WDHD1: variants seen among roughly 807,000 people sequenced by gnomAD.
WDHD1 encodes the protein WD repeat and HMG-box DNA-binding protein 1.
Under a neutral mutation model 135.4 loss-of-function variants are expected in WDHD1, and 111 were observed. The ratio of observed to expected loss-of-function variants is 0.82; its 90% CI spans 0.70 to 0.96. The LOEUF (loss-of-function observed/expected upper bound fraction) is 0.96. Ranked by LOEUF, WDHD1 falls within the 40% of genes least tolerant of loss-of-function variation. The pLI, the probability that WDHD1 is intolerant of heterozygous loss-of-function variation, is 0.00. For synonymous variants in WDHD1, 434 were observed against 439.0 expected, an observed-to-expected ratio of 0.99 and a Z score of 0.14; for missense variants, 1,351 against 1,336.3, an observed-to-expected ratio of 1.01 and a Z score of -0.17.
chr14:54,973,048 T>C (rs1326201711), intron 16 of WDHD1, among the ~76,000 whole-genome samples: 1 of 152,158 alleles, frequency 6.6e-6, no homozygotes, highest in Non-Finnish European at 1.5e-5. Context: ...TTTATATATA[T>C]ATAGAACTCT....
Position 54,989,093 on chromosome 14 carries a change from A to C in WDHD1, c.1461T>G (p.Tyr487Ter), listed in dbSNP as rs150419058. 1.7e-5 allele frequency: 28 copies of C among 1,613,840 alleles called. No individual in the cohort carries two copies. The highest frequency in any genetic ancestry group is 2.4e-5 in the Non-Finnish European group (28 of 1,179,850). The part of the protein sequence containing the change: ...HATHLSNTLN[Y>*]TIADLSHEAI... ...CTTCGTGGGAAAGATCTGCTATTGT[A>C]TAATTCAAAGTGTTTGATAAGTGTG... Residue 487 changes from tyrosine to a stop codon, truncating the protein, a stop_gained, in exon 13 of 26, where the codon TAT becomes TAG. Transcript: ENST00000360586. LOFTEE classifies it high-confidence loss of function.
At chr14:55,002,283 A>T (rs561508329) in intron 7 of WDHD1, 98 bp from the exon 8 acceptor site, 3 of 831,376 alleles carry the variant, frequency 3.6e-6, no homozygotes, top group Middle Eastern at 7.3e-4. Flanking sequence ...TTTACAAGAC[A>T]TAAAAGCAAA....
At chr14:55,004,441 T>G (rs2140217850) in intron 7 of WDHD1, among the ~76,000 whole-genome samples, 1 of 152,338 alleles carries the variant, frequency 6.6e-6, no homozygotes. Context: ...TCCCTTTTTT[T>G]TTAGCAACCA....
At chr14:54,952,002 A>T (rs2041064842) in intron 24 of WDHD1, among the ~76,000 whole-genome samples, 1 of 152,234 alleles carries the variant, frequency 6.6e-6, no homozygotes, top group South Asian at 2.1e-4. Context: ...CAAAATAATA[A>T]GAGCTATTTA....
chr14:54,972,446 T>C (rs1450917384), intron 16 of WDHD1, among the ~76,000 whole-genome samples: 3 of 147,796 alleles, frequency 2.0e-5, no homozygotes, highest in Non-Finnish European at 1.5e-5. Context: ...GGTGTGGTGG[T>C]GAACGCCTGT....
intron 3 of WDHD1, among the ~76,000 whole-genome samples, chr14:55,011,735 T>A (rs2042174499): frequency 6.6e-6 from 1 of 151,804 alleles, no homozygotes; most frequent in African/African-American, 2.4e-5. Context: ...TTTTTTTACT[T>A]ATTGTAAACT....
rs1388267475 is a variant in WDHD1 at position 55,026,746 on chromosome 14, C to T, written c.42G>A (p.Glu14=). The T allele has an allele frequency of 1.2e-6, 2 of 1,614,210 alleles. No individual in the cohort carries two copies. Among genetic ancestry groups the T allele is most frequent in the Non-Finnish European group, 1.7e-6 (2 of 1,180,030 alleles). Residue 14 remains glutamate (E), a synonymous_variant, in exon 2 of 26, where the codon GAG becomes GAA. Transcript: ENST00000360586. ...CATCAAAACAGACCTCCGTGTGTCC[C>T]TCTGTATGCCCATATCTCATTGGCT... ...TRKPMRYGHT[E]GHTEVCFDDS... is the part of the protein sequence containing the mutation.
intron 21 of WDHD1, among the ~76,000 whole-genome samples, chr14:54,959,774 C>A (rs2041219493): frequency 6.6e-6 from 1 of 151,570 alleles, no homozygotes; most frequent in African/African-American, 2.4e-5. Context: ...GCAAGATACC[C>A]TGTATCCGCA....
At chr14:54,983,807 C>A (rs1202694841) in intron 15 of WDHD1, among the ~76,000 whole-genome samples, 6 of 151,320 alleles carry the variant, frequency 4.0e-5, no homozygotes, top group Admixed American at 3.9e-4. Context: ...GCATGAGCCA[C>A]CATGCCCAGC....
At chr14:55,002,561 C>T (rs2041994847) in intron 7 of WDHD1, among the ~76,000 whole-genome samples, 1 of 152,106 alleles carries the variant, frequency 6.6e-6, no homozygotes, top group Admixed American at 6.6e-5. Flanking sequence ...CTATTGCTTG[C>T]ACCCAAAAAA....
chr14:54,958,347 G>C (rs1490104072), intron 21 of WDHD1, among the ~76,000 whole-genome samples: 1 of 151,918 alleles, frequency 6.6e-6, no homozygotes, highest in African/African-American at 2.4e-5. Context: ...GGCTGGTCTT[G>C]AACTCCTGAC....
rs2040841112 is a variant in WDHD1, at chr14:54,941,671, T to C, written c.3209A>G (p.Lys1070Arg). The C allele has an allele frequency of 6.2e-7, 1 of 1,613,582 alleles. No homozygotes were observed. The highest frequency in any genetic ancestry group is 8.5e-7 in the Non-Finnish European group (1 of 1,179,838). ...AGTTCCTTCACTTGCCGTTTCTCCTTTGGCTTTGTTAGCCCACACCTTTGT... is the reference window on the plus strand; with the variant it reads ...AGTTCCTTCACTTGCCGTTTCTCCTCTGGCTTTGTTAGCCCACACCTTTGT... ...EERKVWANKA[K>R]GETASEGTEA... The change falls in exon 26 of 26, where the codon AAA (lysine) becomes AGA (arginine). Residue 1070 changes from lysine (K) to arginine (R), a missense_variant. Lys to Arg is a conservative substitution (Grantham distance 26). This residue lies in a region of WDHD1 where 1,330 missense variants were observed against 1,296.1 expected (regional missense o/e 1.03). Transcript: ENST00000360586.
chr14:54,984,993 T>A, intron 14 of WDHD1, 133 bp from the exon 15 acceptor site: 2 of 1,095,890 alleles, frequency 1.8e-6, no homozygotes, highest in Admixed American at 2.9e-5. Context: ...GAATAACCCA[T>A]CCAACTGAGG....
At chr14:54,979,981 T>A (rs1236504920) in intron 16 of WDHD1, among the ~76,000 whole-genome samples, 1 of 152,248 alleles carries the variant, frequency 6.6e-6, no homozygotes, top group Non-Finnish European at 1.5e-5. Flanking sequence ...CAAGATATGA[T>A]TCACATAATA....
At chr14:54,960,233 TCTCAC>T in intron 21 of WDHD1, among the ~76,000 whole-genome samples, 1 of 152,120 alleles carries the variant, frequency 6.6e-6, no homozygotes, top group African/African-American at 2.4e-5. Flanking sequence ...GGTGGTATGA[TCTCAC>T]CTCACTGCAA....
rs544541396 is a variant in WDHD1, at chr14:55,011,739, G to T, written c.190-1279C>A. ...CTGAATCTCATTTTTTTTACTTATT[G>T]TAAACTTATTTTCAACTTATTATAA... is the stretch of plus-strand genomic sequence containing the variant. On this transcript the variant is annotated intron_variant, in intron 3 of 25. Transcript: ENST00000360586. 9.9e-5 allele frequency among the ~76,000 whole-genome samples: 15 copies of T among 150,868 alleles called. No homozygotes were observed. In the South Asian group the frequency reaches 3.1e-3, roughly 32 times the overall value.
Position 54,981,670 on chromosome 14 carries a change from C to A in WDHD1, c.1933G>T (p.Gly645Ter). Residue 645 changes from glycine to a stop codon, truncating the protein, a stop_gained, in exon 16 of 26, where the codon GGA becomes TGA. Coordinates refer to ENST00000360586, the MANE Select transcript of WDHD1 (RefSeq NM_007086.4). LOFTEE classifies it high-confidence loss of function. ...CCTCTGTTAAGCATTCGAACAATTCCTTCTGAATCCACGTAACAAGGGGTA... is the reference window on the plus strand; with the variant it reads ...CCTCTGTTAAGCATTCGAACAATTCATTCTGAATCCACGTAACAAGGGGTA... ...EGTPCYVDSE[G>*]IVRMLNRGLG... The A allele has an allele frequency of 6.2e-7, 1 of 1,610,658 alleles. No individual in the cohort carries two copies. The highest frequency in any genetic ancestry group is 8.5e-7 in the Non-Finnish European group (1 of 1,177,370).
chr14:55,027,029 C>G lies in WDHD1; in HGVS notation c.-18G>C. 2 of 505,658 alleles carry G rather than the reference C, an allele frequency of 4.0e-6. No individual in the cohort carries two copies. The highest frequency in any genetic ancestry group is 7.2e-6 in the Non-Finnish European group (2 of 279,244). The allele number at this position is 505,658 out of a possible 1,614,324, so 31.3% of individuals were successfully genotyped here. ...CGGGCAGCCGGAGTGGGGACTCACC[C>G]GGGTGACCGAGCCTCCGCCACTGAG... On this transcript the variant is annotated splice_region_variant and 5_prime_UTR_variant, in exon 1 of 26. Transcript: ENST00000360586.
At chr14:54,947,853 AAG>A (rs1429128580) in intron 24 of WDHD1, among the ~76,000 whole-genome samples, 2 of 151,728 alleles carry the variant, frequency 1.3e-5, no homozygotes, top group African/African-American at 4.8e-5. Context: ...CAGCCTCCCA[AAG>A]TGCTGGGATT....
Sources: allele counts gnomAD v4.1 joint callset (sites outside exome capture counted in the v4.1 genomes callset), GRCh38; gene constraint gnomAD v4.1.1; regional missense constraint gnomAD v4.1.1; transcripts MANE v1.5; gene names NCBI Gene and HGNC (gene_info 2026-07-23, HGNC 2026-07-21).